Variants in SEMA6A observed in about 807,000 individuals in gnomAD.
The protein encoded by SEMA6A is semaphorin 6A.
SEMA6A carries 25 observed loss-of-function variants against 96.8 expected under a neutral mutation model. That is an observed-to-expected ratio of 0.26 (90% CI 0.19 to 0.36). SEMA6A has a LOEUF of 0.36. SEMA6A is among the 10% of genes least tolerant of loss of function. The probability of loss-of-function intolerance (pLI) is 1.00; values close to 1 mark genes in which losing one functional copy is unlikely to be tolerated. For missense variants in SEMA6A, 1,363 were observed against 1,323.1 expected (o/e 1.03, Z -0.47); for synonymous variants, 612 against 518.0 (o/e 1.18, Z -2.46).
chr5:116,503,077 G>A (rs1757966448), intron 2 of SEMA6A, among the ~76,000 whole-genome samples: 1 of 152,132 alleles, frequency 6.6e-6, no homozygotes, highest in Non-Finnish European at 1.5e-5. Flanking sequence ...TCTGTATTGA[G>A]ATCTGGCCTT....
At chr5:116,573,683 C>T (rs529578774) in intron 1 of SEMA6A, among the ~76,000 whole-genome samples, 1 of 152,238 alleles carries the variant, frequency 6.6e-6, no homozygotes, top group Non-Finnish European at 1.5e-5. Context: ...ACCGTCTCCG[C>T]GGAACCCCTT....
chr5:116,501,892 A>G (rs370787685), intron 3 of SEMA6A, among the ~76,000 whole-genome samples: 6 of 152,142 alleles, frequency 3.9e-5, no homozygotes, highest in African/African-American at 1.4e-4. Context: ...TCCATCTCAA[A>G]CAAACAAACA....
intron 1 of SEMA6A, 70 bp from the exon 2 acceptor site, chr5:116,505,052 G>A (rs1758077942): frequency 1.5e-6 from 1 of 674,452 alleles, no homozygotes; most frequent in Admixed American, 2.8e-5. Context: ...GAAATACCCT[G>A]AAAGATAAAT....
At chr5:116,538,231 A>C (rs1759810001) in intron 1 of SEMA6A, among the ~76,000 whole-genome samples, 1 of 152,168 alleles carries the variant, frequency 6.6e-6, no homozygotes, top group African/African-American at 2.4e-5. Flanking sequence ...ACTTGGACCA[A>C]ATACTTTACA....
At chr5:116,509,351 ATTC>A (rs1394134808) in intron 1 of SEMA6A, among the ~76,000 whole-genome samples, 1 of 152,206 alleles carries the variant, frequency 6.6e-6, no homozygotes, top group African/African-American at 2.4e-5. Context: ...TGTTTCAGTA[ATTC>A]TTTTAAAAAG....
At chr5:116,568,035 T>G (rs975298941) in intron 1 of SEMA6A, among the ~76,000 whole-genome samples, 3 of 152,204 alleles carry the variant, frequency 2.0e-5, no homozygotes, top group Non-Finnish European at 4.4e-5. Context: ...ACTGTACAAT[T>G]TCAATGAATT....
At chr5:116,512,412 A>G (rs573788416) in intron 1 of SEMA6A, among the ~76,000 whole-genome samples, 1 of 152,288 alleles carries the variant, frequency 6.6e-6, no homozygotes, top group Admixed American at 6.5e-5. Context: ...ATTTTGGAGG[A>G]AAGGGAAATG....
chr5:116,541,430 TA>T (rs1934032791), intron 1 of SEMA6A, among the ~76,000 whole-genome samples: 1 of 151,600 alleles, frequency 6.6e-6, no homozygotes, highest in Non-Finnish European at 1.5e-5. Flanking sequence ...CATGACATAA[TA>T]AAGTGTTAAA....
rs533606317 is a variant in SEMA6A at position 116,492,645 on chromosome 5, G to C, written c.445-815C>G. On this transcript the variant is annotated intron_variant, in intron 6 of 18. Transcript: ENST00000343348. ...TCAAAGCTCTCCCCTAGATAATCTT[G>C]ATAATCTAATTTGGGGCTATAACCT... Among the ~76,000 whole-genome samples the C allele has an allele frequency of 2.0e-4, 31 of 152,220 alleles. 1 individual carries two copies. The highest frequency in any genetic ancestry group is 1.5e-5 in the Non-Finnish European group (1 of 68,044).
chr5:116,482,644 C>A, intron 10 of SEMA6A, 69 bp from the exon 11 acceptor site: 1 of 1,530,028 alleles, frequency 6.5e-7, no homozygotes, highest in Non-Finnish European at 9.0e-7. Context: ...GAACATACTC[C>A]AGAGAAACTT....
In SEMA6A at chr5:116,563,885, A is replaced by C. The variant is rs182077257; in HGVS notation, c.-39+10300T>G. Among the ~76,000 whole-genome samples, 86 of 152,328 alleles carry C rather than the reference A, an allele frequency of 5.6e-4. 1 individual carries two copies. Among genetic ancestry groups the C allele is most frequent in the Admixed American group, 3.7e-3 (57 of 15,298 alleles). On this transcript the variant is annotated intron_variant, in intron 1 of 18. Coordinates refer to ENST00000343348, the MANE Select transcript of SEMA6A (RefSeq NM_020796.5). The stretch of plus-strand genomic sequence containing the variant: ...TCCATAATACTGAATTTACAAATGC[A>C]CATTTTCTTTGCTTCTCAGAGATAT...
intron 1 of SEMA6A, among the ~76,000 whole-genome samples, chr5:116,560,228 T>A (rs911408086): frequency 2.6e-5 from 4 of 152,238 alleles, no homozygotes; most frequent in Non-Finnish European, 1.5e-5. Context: ...AGAGCCACTT[T>A]TGGCCTTCTT....
chr5:116,503,009 G>T (rs528025189), intron 2 of SEMA6A, among the ~76,000 whole-genome samples: 1 of 152,342 alleles, frequency 6.6e-6, no homozygotes, highest in Admixed American at 6.5e-5. Flanking sequence ...CCCTGACTTG[G>T]TGAGTCAATG....
At chr5:116,478,338 A>AC in intron 13 of SEMA6A, 184 bp from the exon 14 acceptor site, 2 of 761,968 alleles carry the variant, frequency 2.6e-6, no homozygotes, top group Non-Finnish European at 4.2e-6. Flanking sequence ...ATAAACACAC[A>AC]CACATATATG....
At chr5:116,504,770 T>A (rs928293038) in intron 2 of SEMA6A, 75 bp downstream of exon 2, 1 of 1,192,108 alleles carries the variant, frequency 8.4e-7, no homozygotes, top group African/African-American at 1.5e-5. Context: ...CATTTTTCAG[T>A]TTTATTTTTT....
At chr5:116,562,766 T>C in intron 1 of SEMA6A, 3 of 733,664 alleles carry the variant, frequency 4.1e-6, no homozygotes, top group Non-Finnish European at 7.7e-6. Flanking sequence ...AGATGAATCT[T>C]TGCCATATGC....
chr5:116,446,711 C>G lies in SEMA6A; in HGVS notation c.2995G>C (p.Gly999Arg). The change falls in exon 19 of 19, where the codon GGG becomes CGG. Residue 999 changes from glycine (G) to arginine (R), a missense_variant. Physicochemically the swap from Gly to Arg is moderately radical, Grantham distance 125. Transcript: ENST00000343348. ...LNAYNSLTRS[G>R]LKRTPSLKPD... ...TTTAGCGAGGGCGTACGCTTCAGCC[C>G]CGACCTTGTCAGTGAGTTGTAGGCG... 1 of 1,595,476 alleles carries G rather than the reference C, an allele frequency of 6.3e-7. No individual in the cohort carries two copies. The highest frequency in any genetic ancestry group is 8.5e-7 in the Non-Finnish European group (1 of 1,170,470).
At chr5:116,485,376 T>C (rs1342009532) in intron 10 of SEMA6A, among the ~76,000 whole-genome samples, 2 of 152,212 alleles carry the variant, frequency 1.3e-5, no homozygotes, top group Admixed American at 6.5e-5. Context: ...CAGTATACTT[T>C]TTCAAAATCC....
At chr5:116,455,856 T>C (rs960115619) in intron 18 of SEMA6A, among the ~76,000 whole-genome samples, 4 of 152,068 alleles carry the variant, frequency 2.6e-5, no homozygotes, top group African/African-American at 9.7e-5. Flanking sequence ...CTGTGTGACT[T>C]TGGGTATGTC....
Sources: allele counts gnomAD v4.1 joint callset (sites outside exome capture counted in the v4.1 genomes callset), GRCh38; gene constraint gnomAD v4.1.1; transcripts MANE v1.5; gene names NCBI Gene and HGNC (gene_info 2026-07-23, HGNC 2026-07-21).